Variants in ENPP1 observed in about 807,000 individuals in gnomAD.
The protein encoded by ENPP1 is ectonucleotide pyrophosphatase/phosphodiesterase 1, also known as ectonucleotide pyrophosphatase/phosphodiesterase family member 1.
In ENPP1, 73 loss-of-function variants were observed where a neutral mutation model predicts 122.8. The observed-to-expected ratio is 0.59, with a 90% CI of 0.49 to 0.72. The LOEUF is 0.72. Ranked by LOEUF, ENPP1 falls within the 30% of genes least tolerant of loss-of-function variation. The probability of loss-of-function intolerance (pLI) is 0.00; values close to 1 mark genes in which losing one functional copy is unlikely to be tolerated. For missense variants in ENPP1, 978 were observed against 1,128.1 expected (o/e 0.87, Z 1.91); for synonymous variants, 367 against 391.6 (o/e 0.94, Z 0.74).
At chr6:131,845,042 G>GT (rs1562517918) in intron 1 of ENPP1, among the ~76,000 whole-genome samples, 2 of 119,080 alleles carry the variant, frequency 1.7e-5, no homozygotes, top group African/African-American at 7.4e-5. Flanking sequence ...AATTCTTCAT[G>GT]GTTTTTTTTT....
chr6:131,847,442 A>T (rs1781823560), intron 1 of ENPP1, among the ~76,000 whole-genome samples: 7 of 152,258 alleles, frequency 4.6e-5, no homozygotes, highest in Admixed American at 3.9e-4. Flanking sequence ...ATTTTCAAAA[A>T]GTGAACACAT....
chr6:131,894,276 C>A lies in ENPP1; in HGVS notation c.*3765C>A, dbSNP rs2114741815. Reference sequence around the variant, plus strand: ...GCCTATCCTGATTTCTACTGTCATGCCTCACATCAGTCCTTTTTTTTTTTT... The same window carrying A: ...GCCTATCCTGATTTCTACTGTCATGACTCACATCAGTCCTTTTTTTTTTTT... On this transcript the variant is annotated 3_prime_UTR_variant, in exon 25 of 25. Coordinates refer to ENST00000647893, the MANE Select transcript of ENPP1 (RefSeq NM_006208.3). The A allele has an allele frequency of 6.7e-6, 1 of 148,930 alleles. No homozygotes were observed. The highest frequency in any genetic ancestry group is 2.5e-5 in the African/African-American group (1 of 39,930). The allele number at this position is 148,930 out of a possible 1,614,324, so 9.2% of individuals were successfully genotyped here.
chr6:131,878,457 G>A, intron 18 of ENPP1, 85 bp from the exon 19 acceptor site: 1 of 827,044 alleles, frequency 1.2e-6, no homozygotes, highest in Non-Finnish European at 2.1e-6. Context: ...TTCTATGTTG[G>A]AATAATCAAT....
intron 1 of ENPP1, among the ~76,000 whole-genome samples, chr6:131,810,510 C>A (rs1005059317): frequency 1.5e-5 from 2 of 131,458 alleles, no homozygotes; most frequent in African/African-American, 5.7e-5. Flanking sequence ...CCAAAAGCAT[C>A]CTGACAATTG....
chr6:131,825,133 T>C (rs1781531292), intron 1 of ENPP1, among the ~76,000 whole-genome samples: 1 of 152,208 alleles, frequency 6.6e-6, no homozygotes, highest in African/African-American at 2.4e-5. Flanking sequence ...TTTGGTTTCT[T>C]TTTTATTTTT....
rs137853273 is a variant in ENPP1, at chr6:131,884,995, T to A, written c.2376T>A (p.Asn792Lys). ...ATGCTGAAGAAAGAAATGGTGTCAA[T>A]GTCGTCAGTGGTCCTGTGTTTGACT... ...RKYAEERNGV[N>K]VVSGPVFDFD... is the part of the protein sequence containing the mutation. The change falls in exon 23 of 25, where the codon AAT (asparagine) becomes AAA (lysine). Residue 792 changes from asparagine to lysine, a missense_variant. Coordinates refer to ENST00000647893, the MANE Select transcript of ENPP1 (RefSeq NM_006208.3). 100 of 1,613,860 alleles carry A rather than the reference T, an allele frequency of 6.2e-5. No individual in the cohort carries two copies. Among genetic ancestry groups the A allele is most frequent in the Non-Finnish European group, 8.4e-5 (99 of 1,179,856 alleles).
intron 9 of ENPP1, among the ~76,000 whole-genome samples, chr6:131,861,922 C>T (rs891936282): frequency 2.9e-4 from 44 of 152,200 alleles, no homozygotes; most frequent in Middle Eastern, 3.4e-3. Flanking sequence ...GTAATCCCAG[C>T]ACTTTGGGAG....
intron 1 of ENPP1, chr6:131,827,387 A>C: frequency 1.3e-6 from 1 of 780,224 alleles, no homozygotes; most frequent in Non-Finnish European, 2.3e-6. Context: ...CCTCAAAGGA[A>C]TATTGCTTCA....
intron 15 of ENPP1, 65 bp downstream of exon 15, chr6:131,873,115 G>T: frequency 6.5e-7 from 1 of 1,545,330 alleles, no homozygotes; most frequent in South Asian, 1.1e-5. Flanking sequence ...GTAACCATTG[G>T]GCCCTTTCTA....
At chr6:131,873,542 A>G (rs1250918924) in intron 15 of ENPP1, among the ~76,000 whole-genome samples, 1 of 151,918 alleles carries the variant, frequency 6.6e-6, no homozygotes, top group Non-Finnish European at 1.5e-5. Flanking sequence ...ACTTTATAAT[A>G]ATGAGTAACT....
chr6:131,864,927 G>A lies in ENPP1; in HGVS notation c.1153G>A (p.Val385Ile). The A allele has an allele frequency of 6.3e-7, 1 of 1,590,402 alleles. No homozygotes were observed. The highest frequency in any genetic ancestry group is 8.6e-7 in the Non-Finnish European group (1 of 1,158,544). ...TTCTTCAGGTCATTCATATGGACCAGTCAGCAGTGAAGTAAGTACATTTTT... is the reference window on the plus strand; with the variant it reads ...TTCTTCAGGTCATTCATATGGACCAATCAGCAGTGAAGTAAGTACATTTTT... ...PDSSGHSYGP[V>I]SSEVIKALQR... The change falls in exon 11 of 25, where the codon GTC becomes ATC. Residue 385 changes from valine to isoleucine, a missense_variant. By Grantham distance (29) the Val-to-Ile change is conservative. Around this residue, in one of 3 missense-constraint regions of ENPP1, gnomAD observed 644 missense variants for 781.5 expected, o/e 0.82. Coordinates refer to ENST00000647893, the MANE Select transcript of ENPP1 (RefSeq NM_006208.3).
At chr6:131,841,257 A>G (rs1279532069) in intron 1 of ENPP1, among the ~76,000 whole-genome samples, 2 of 152,154 alleles carry the variant, frequency 1.3e-5, no homozygotes, top group Non-Finnish European at 2.9e-5. Flanking sequence ...ACTCAATAGG[A>G]TCGAATCCCC....
chr6:131,813,608 C>T (rs1781381143), intron 1 of ENPP1, among the ~76,000 whole-genome samples: 1 of 152,050 alleles, frequency 6.6e-6, no homozygotes, highest in Non-Finnish European at 1.5e-5. Flanking sequence ...TGACTTAACC[C>T]TCCCCTTGCA....
chr6:131,880,108 C>T, intron 20 of ENPP1, 74 bp downstream of exon 20: 1 of 1,422,378 alleles, frequency 7.0e-7, no homozygotes, highest in Non-Finnish European at 9.9e-7. Context: ...TGCATAGTTT[C>T]TCACTGTTCA....
At chr6:131,822,331 G>A (rs1781493364) in intron 1 of ENPP1, among the ~76,000 whole-genome samples, 1 of 152,182 alleles carries the variant, frequency 6.6e-6, no homozygotes, top group African/African-American at 2.4e-5. Flanking sequence ...CATTTGCTAT[G>A]TGACCTTTGA....
chr6:131,836,092 A>T (rs1285129862), intron 1 of ENPP1, among the ~76,000 whole-genome samples: 2 of 150,888 alleles, frequency 1.3e-5, no homozygotes, highest in African/African-American at 2.4e-5. Context: ...AGCACAAAAG[A>T]TCCCCAAAAA....
chr6:131,850,182 A>G (rs1190441800), intron 3 of ENPP1, 76 bp downstream of exon 3: 5 of 1,011,572 alleles, frequency 4.9e-6, no homozygotes, highest in Non-Finnish European at 7.9e-6. Context: ...TCTTTCAGGT[A>G]TGTGATTTAC....
Position 131,808,047 on chromosome 6 carries a change from C to T in ENPP1, c.12C>T (p.Asp4=). Residue 4 remains aspartate, a synonymous_variant, in exon 1 of 25, where the codon GAC becomes GAT. Transcript: ENST00000647893. The part of the protein sequence containing the change: MER[D]GCAGGGSRGG... ...CGGCCGGGGCCACGATGGAGCGCGA[C>T]GGCTGCGCGGGGGGCGGGAGCCGCG... The T allele has an allele frequency of 4.4e-6, 2 of 453,416 alleles. No homozygotes were observed. Among genetic ancestry groups the T allele is most frequent in the East Asian group, 2.2e-4 (1 of 4,606 alleles). 28.1% of individuals were successfully genotyped at this position (453,416 alleles called of 1,614,324 possible). A position where few individuals can be genotyped will look rare whatever the true frequency, so the allele number is the denominator to read the frequency against.
chr6:131,847,414 C>T (rs1781823302), intron 1 of ENPP1, among the ~76,000 whole-genome samples: 1 of 152,090 alleles, frequency 6.6e-6, no homozygotes, highest in South Asian at 2.1e-4. Flanking sequence ...GTATACAAAT[C>T]ACAAGTGTAT....
Sources: gnomAD v4.1 joint callset for allele counts (sites outside exome capture counted in the v4.1 genomes callset) on GRCh38, gnomAD v4.1.1 for gene constraint, gnomAD v4.1.1 regional missense constraint, MANE v1.5 for transcripts, NCBI Gene and HGNC (gene_info 2026-07-23, HGNC 2026-07-21) for gene names.